The following VPS18 variants were observed in gnomAD, a reference collection of about 807,000 sequenced individuals.
The protein encoded by VPS18 is vacuolar protein sorting-associated protein 18 homolog.
Under a neutral mutation model 82.0 loss-of-function variants are expected in VPS18, and 25 were observed. The ratio of observed to expected loss-of-function variants is 0.30; its 90% CI spans 0.22 to 0.43. The LOEUF is 0.43. Among genes scored for constraint, VPS18 ranks in the 20% least tolerant of loss-of-function variants. VPS18 has a pLI of 1.00. For synonymous variants in VPS18, 523 were observed against 543.0 expected (o/e 0.96, Z 0.51); for missense variants, 1,168 against 1,311.1 (o/e 0.89, Z 1.69).
chr15:40,900,065 G>C lies in VPS18; in HGVS notation c.1247G>C (p.Arg416Pro). The change falls in exon 4 of 5, where the codon CGA becomes CCA. Residue 416 changes from arginine (R) to proline (P), a missense_variant. Coordinates refer to ENST00000220509, the MANE Select transcript of VPS18 (RefSeq NM_020857.3). The surrounding 1 kb of genome is among the most constrained non-coding windows in gnomAD (Gnocchi z 5.4). The part of the protein sequence containing the change: ...NRFDLAKEYC[R>P]ERPDCLDTVL... Reference sequence around the variant, plus strand: ...TTCGATCTGGCCAAAGAGTATTGTCGAGAGCGGCCCGACTGCCTGGACACG... The same window carrying C: ...TTCGATCTGGCCAAAGAGTATTGTCCAGAGCGGCCCGACTGCCTGGACACG... 6.2e-7 allele frequency: 1 copy of C among 1,613,748 alleles called. No individual in the cohort carries two copies. Among genetic ancestry groups the C allele is most frequent in the Non-Finnish European group, 8.5e-7 (1 of 1,180,012 alleles).
chr15:40,894,954 C>T lies in VPS18; in HGVS notation c.91+95C>T, dbSNP rs1892203500. ...CAGCTCCAAGAGCTCGGGGTCATCC[C>T]CTGGGCCGTGCCTTCCGGGTCTAGG... On this transcript the variant is annotated intron_variant, in intron 1 of 4. Transcript: ENST00000220509. 3.1e-6 allele frequency: 4 copies of T among 1,274,346 alleles called. No individual in the cohort carries two copies. In the East Asian group the frequency reaches 1.1e-4, roughly 35 times the overall value. The allele number at this position is 1,274,346 out of a possible 1,614,324, so 78.9% of individuals were successfully genotyped here.
chr15:40,900,260 A>C lies in VPS18; in HGVS notation c.1442A>C (p.Lys481Thr). The change falls in exon 4 of 5, where the codon AAG becomes ACG. Residue 481 changes from lysine to threonine, a missense_variant. Physicochemically the swap from Lys to Thr is moderately conservative, Grantham distance 78. Coordinates refer to ENST00000220509, the MANE Select transcript of VPS18 (RefSeq NM_020857.3). The surrounding 1 kb of genome is among the most constrained non-coding windows in gnomAD (Gnocchi z 5.4). ...CTGCAGCGAAAACTGGCCAGTTTGA[A>C]GCCAGCCGAACGTACCCAGGCCACA... ...EFLQRKLASL[K>T]PAERTQATLL... The C allele has an allele frequency of 6.2e-7, 1 of 1,613,736 alleles. No homozygotes were observed. Among genetic ancestry groups the C allele is most frequent in the Non-Finnish European group, 8.5e-7 (1 of 1,179,980 alleles).
chr15:40,901,345 T>G (rs1892354631), intron 4 of VPS18, among the ~76,000 whole-genome samples: 1 of 152,166 alleles, frequency 6.6e-6, no homozygotes, highest in African/African-American at 2.4e-5. Context: ...CGCCAGCACT[T>G]TGGGAGGCCG....
chr15:40,894,956 T>C, intron 1 of VPS18, 97 bp downstream of exon 1: 1 of 1,244,114 alleles, frequency 8.0e-7, no homozygotes, highest in East Asian at 2.8e-5. Flanking sequence ...GGTCATCCCC[T>C]GGGCCGTGCC....
intron 2 of VPS18, 169 bp from the exon 3 acceptor site, chr15:40,898,738 G>T (rs1198538410): frequency 2.3e-5 from 17 of 739,820 alleles, no homozygotes; most frequent in South Asian, 3.2e-5. Context: ...CTCCCAAAGT[G>T]CTGGGATTAC....
intron 1 of VPS18, among the ~76,000 whole-genome samples, chr15:40,895,724 C>T (rs923314650): frequency 3.3e-5 from 5 of 152,198 alleles, no homozygotes; most frequent in African/African-American, 1.2e-4. Flanking sequence ...AAAGAATCAA[C>T]CCCTCACTGC....
intron 2 of VPS18, 22 bp from the exon 3 acceptor site, chr15:40,898,885 A>G (rs749803635): frequency 6.2e-7 from 1 of 1,608,076 alleles, no homozygotes; most frequent in Non-Finnish European, 8.5e-7. Context: ...CTCTAAAGTG[A>G]TGGTGACGCT....
Position 40,900,129 on chromosome 15 carries a change from T to A in VPS18, c.1311T>A (p.Arg437=). 6.2e-7 allele frequency: 1 copy of A among 1,613,766 alleles called. No individual in the cohort carries two copies. The highest frequency in any genetic ancestry group is 8.5e-7 in the Non-Finnish European group (1 of 1,180,022). Residue 437 remains arginine, a synonymous_variant, in exon 4 of 5, where the codon CGT becomes CGA. Coordinates refer to ENST00000220509, the MANE Select transcript of VPS18 (RefSeq NM_020857.3). The surrounding 1 kb of genome is among the most constrained non-coding windows in gnomAD (Gnocchi z 5.4). ...AREADFCFRQ[R]RYLESARCYA... ...AGGCCGATTTCTGCTTTCGCCAGCG[T>A]CGCTACCTGGAGAGCGCACGCTGCT...
At chr15:40,901,952 C>T (rs993326449) in intron 4 of VPS18, among the ~76,000 whole-genome samples, 17 of 152,208 alleles carry the variant, frequency 1.1e-4, no homozygotes, top group African/African-American at 4.1e-4. Flanking sequence ...GGTACATGCA[C>T]GTTAGCAGAA....
At position 40,903,503 on chromosome 15, in the gene VPS18, G is replaced by A; in HGVS notation, c.*162G>A. On this transcript the variant is annotated 3_prime_UTR_variant, in exon 5 of 5. Coordinates refer to ENST00000220509, the MANE Select transcript of VPS18 (RefSeq NM_020857.3). ...CTGTTGGCCAGGAGGTGTCAGGTGT[G>A]AGTGTATTCTGCCAGCTTTTCATGC... is the stretch of plus-strand genomic sequence containing the variant. 1.0e-6 allele frequency: 1 copy of A among 969,934 alleles called. No homozygotes were observed. Among genetic ancestry groups the A allele is most frequent in the Non-Finnish European group, 1.4e-6 (1 of 705,480 alleles). 60.1% of individuals were successfully genotyped at this position (969,934 alleles called of 1,614,324 possible).
Position 40,903,502 on chromosome 15 carries a change from T to G in VPS18, c.*161T>G. ...GCTGTTGGCCAGGAGGTGTCAGGTGTGAGTGTATTCTGCCAGCTTTTCATG... is the reference window on the plus strand; with the variant it reads ...GCTGTTGGCCAGGAGGTGTCAGGTGGGAGTGTATTCTGCCAGCTTTTCATG... On this transcript the variant is annotated 3_prime_UTR_variant, in exon 5 of 5. Transcript: ENST00000220509. 1.0e-6 allele frequency: 1 copy of G among 988,744 alleles called. No individual in the cohort carries two copies. The highest frequency in any genetic ancestry group is 1.4e-6 in the Non-Finnish European group (1 of 721,570). The allele number at this position is 988,744 out of a possible 1,614,324, so 61.2% of individuals were successfully genotyped here.
chr15:40,897,136 A>T (rs142552520), intron 2 of VPS18, among the ~76,000 whole-genome samples: 6,873 of 152,096 alleles, frequency 0.045, 529 homozygotes, highest in African/African-American at 0.16. Flanking sequence ...TCTCTACTAA[A>T]AATATAAAAT....
chr15:40,899,179 G>A lies in VPS18; in HGVS notation c.361G>A (p.Val121Ile). ...HLLIALSSTE[V>I]LYVNRNGQKV... is the part of the protein sequence containing the mutation. ...GCTGATTGCCCTGAGCAGCACGGAG[G>A]TCCTCTACGTGAACCGAAATGGACA... Residue 121 changes from valine to isoleucine, a missense_variant, in exon 4 of 5, where the codon GTC becomes ATC. Physicochemically the swap from Val to Ile is conservative, Grantham distance 29. This residue lies in a region of VPS18 where 868 missense variants were observed against 939.8 expected (regional missense o/e 0.92). Coordinates refer to ENST00000220509, the MANE Select transcript of VPS18 (RefSeq NM_020857.3). The surrounding 1 kb of genome is among the most constrained non-coding windows in gnomAD (Gnocchi z 4.4). 1 of 1,614,152 alleles carries A rather than the reference G, an allele frequency of 6.2e-7. No homozygotes were observed.
chr15:40,895,309 T>G (rs1344832589), intron 1 of VPS18, among the ~76,000 whole-genome samples: 5 of 151,898 alleles, frequency 3.3e-5, no homozygotes, highest in Non-Finnish European at 7.4e-5. Flanking sequence ...ACGGGGAAAA[T>G]GGAGATGAAA....
At position 40,902,823 on chromosome 15, in the gene VPS18, A is replaced by G; in HGVS notation, c.2404A>G (p.Lys802Glu). The part of the protein sequence containing the change: ...FPDFVTIDHF[K>E]EAICSSLKAY... The stretch of plus-strand genomic sequence containing the variant: ...TGATTTCGTCACCATCGACCACTTC[A>G]AGGAGGCGATCTGCAGCTCACTTAA... The change falls in exon 5 of 5, where the codon AAG becomes GAG. Residue 802 changes from lysine (K) to glutamate (E), a missense_variant. Lys to Glu is a moderately conservative substitution (Grantham distance 56). This residue lies in a region of VPS18 where 296 missense variants were observed against 354.0 expected (regional missense o/e 0.84). Transcript: ENST00000220509. The surrounding 1 kb of genome is among the most constrained non-coding windows in gnomAD (Gnocchi z 4.2). 3 of 1,614,220 alleles carry G rather than the reference A, an allele frequency of 1.9e-6. No homozygotes were observed. The highest frequency in any genetic ancestry group is 2.5e-6 in the Non-Finnish European group (3 of 1,180,042).
At chr15:40,898,202 C>T (rs531376385) in intron 2 of VPS18, among the ~76,000 whole-genome samples, 52 of 152,130 alleles carry the variant, frequency 3.4e-4, no homozygotes, top group South Asian at 2.1e-4. Flanking sequence ...GATCTGCCCG[C>T]CTTGGCCTCC....
At chr15:40,898,053 G>A (rs967698340) in intron 2 of VPS18, among the ~76,000 whole-genome samples, 26 of 151,984 alleles carry the variant, frequency 1.7e-4, no homozygotes, top group African/African-American at 1.9e-4. Context: ...TGCAAGCTCC[G>A]CCTCCCGGGT....
chr15:40,899,389 C>A lies in VPS18; in HGVS notation c.571C>A (p.Arg191Ser). The A allele has an allele frequency of 6.2e-7, 1 of 1,608,202 alleles. No individual in the cohort carries two copies. ...CGGCCCTGCTCCGGATCTCTACTTC[C>A]GCCCATTGTACGTGCTAAATGAAGA... ...LFGPAPDLYF[R>S]PLYVLNEEGG... is the part of the protein sequence containing the mutation. The change falls in exon 4 of 5, where the codon CGC (arginine) becomes AGC (serine). Residue 191 changes from arginine to serine, a missense_variant. Coordinates refer to ENST00000220509, the MANE Select transcript of VPS18 (RefSeq NM_020857.3). This position sits in a 1 kb window ranked among gnomAD's most constrained non-coding sequence, Gnocchi z 4.4.
At position 40,903,032 on chromosome 15, in the gene VPS18, C is replaced by T. The variant is rs373385271; in HGVS notation, c.2613C>T (p.Gly871=). The change falls in exon 5 of 5, where the codon GGC becomes GGT. Residue 871 remains glycine (G), a synonymous_variant. Coordinates refer to ENST00000220509, the MANE Select transcript of VPS18 (RefSeq NM_020857.3). ...LNRPFYLFLC[G]HMFHADCLLQ... ...GCCCTTTTTACCTCTTCCTCTGTGG[C>T]CATATGTTCCATGCTGACTGCCTGC... 26 of 1,614,156 alleles carry T rather than the reference C, an allele frequency of 1.6e-5. No homozygotes were observed. The highest frequency in any genetic ancestry group is 2.2e-5 in the Non-Finnish European group (26 of 1,180,060).
Sources: allele counts gnomAD v4.1 joint callset (sites outside exome capture counted in the v4.1 genomes callset), GRCh38; gene constraint gnomAD v4.1.1; regional missense constraint gnomAD v4.1.1; non-coding constraint Gnocchi (gnomAD v3.1); transcripts MANE v1.5; gene names NCBI Gene and HGNC (gene_info 2026-07-23, HGNC 2026-07-21).